SMG6: variants seen among roughly 807,000 people sequenced by gnomAD.
SMG6 encodes SMG6 nonsense mediated mRNA decay factor, also known as telomerase-binding protein EST1A.
SMG6 carries 66 observed loss-of-function variants against 142.2 expected under a neutral mutation model. The ratio of observed to expected loss-of-function variants is 0.46; its 90% CI spans 0.38 to 0.57. The LOEUF is 0.57. Among genes scored for constraint, SMG6 ranks in the 20% least tolerant of loss-of-function variants. The probability of loss-of-function intolerance (pLI) is 0.00; values close to 1 mark genes in which losing one functional copy is unlikely to be tolerated. For missense variants in SMG6, 1,793 were observed against 1,832.0 expected (o/e 0.98, Z 0.39); for synonymous variants, 779 against 702.4 (o/e 1.11, Z -1.72).
At chr17:2,258,038 T>TACACACACACACAC (rs869173398) in intron 8 of SMG6, among the ~76,000 whole-genome samples, 2 of 89,280 alleles carry the variant, frequency 2.2e-5, no homozygotes, top group African/African-American at 9.3e-5. Flanking sequence ...AAAAAAAATA[T>TACACACACACACAC]ACACACACAC....
chr17:2,170,506 G>C (rs968850432), intron 13 of SMG6, among the ~76,000 whole-genome samples: 4 of 152,250 alleles, frequency 2.6e-5, no homozygotes, highest in Non-Finnish European at 5.9e-5. Flanking sequence ...ATGTCATCCA[G>C]TCTCTCTTCT....
intron 9 of SMG6, chr17:2,237,450 G>C (rs2073694699): frequency 2.2e-6 from 2 of 909,288 alleles, no homozygotes; most frequent in Admixed American, 6.2e-5. Context: ...CACACTGACT[G>C]TTCCGCCTAA....
At chr17:2,090,080 G>C (rs1378714450) in intron 13 of SMG6, among the ~76,000 whole-genome samples, 1 of 151,612 alleles carries the variant, frequency 6.6e-6, no homozygotes, top group Non-Finnish European at 1.5e-5. Flanking sequence ...CTACTAGGGA[G>C]GCTGAGGCAG....
intron 10 of SMG6, among the ~76,000 whole-genome samples, chr17:2,214,604 C>T (rs1419983095): frequency 6.6e-6 from 1 of 152,186 alleles, no homozygotes; most frequent in Non-Finnish European, 1.5e-5. Context: ...CTGACACACT[C>T]ATTTATAATA....
At chr17:2,117,156 G>A (rs890982921) in intron 13 of SMG6, among the ~76,000 whole-genome samples, 1 of 150,240 alleles carries the variant, frequency 6.7e-6, no homozygotes, top group Non-Finnish European at 1.5e-5. Context: ...GTGCAGTAGC[G>A]TGAACATGGC....
chr17:2,127,909 G>C (rs1355374286), intron 13 of SMG6: 1 of 566,990 alleles, frequency 1.8e-6, no homozygotes, highest in East Asian at 4.7e-5. Flanking sequence ...GTCCACGTTG[G>C]CCTCCAGTAC....
intron 1 of SMG6, chr17:2,303,006 T>C (rs1290790742): frequency 4.1e-6 from 4 of 985,352 alleles, no homozygotes; most frequent in Non-Finnish European, 4.8e-6. Context: ...ACTTAGAATC[T>C]TTCTTACTTT....
At chr17:2,232,995 G>A (rs1049811916) in intron 10 of SMG6, 11 of 152,188 alleles carry the variant, frequency 7.2e-5, no homozygotes, top group Admixed American at 3.9e-4. Context: ...ACAGTAAAAC[G>A]TTAGCAACAA....
chr17:2,124,766 C>T (rs149577881), intron 13 of SMG6, among the ~76,000 whole-genome samples: 8 of 152,268 alleles, frequency 5.3e-5, no homozygotes, highest in African/African-American at 1.2e-4. Flanking sequence ...GGCAGAAAAA[C>T]GAATGGACAC....
intron 10 of SMG6, chr17:2,233,228 G>T (rs1289760561): frequency 6.6e-6 from 1 of 152,256 alleles, no homozygotes; most frequent in Non-Finnish European, 1.5e-5. Context: ...GATCTCAATG[G>T]CCTGGTGGGC....
chr17:2,126,715 CAAA>C (rs532997926), intron 13 of SMG6, among the ~76,000 whole-genome samples: 3 of 66,124 alleles, frequency 4.5e-5, no homozygotes, highest in Non-Finnish European at 3.2e-5. Context: ...GGCTCAGTTT[CAAA>C]AAAAAAAAAA....
At position 2,299,024 on chromosome 17, in the gene SMG6, G is replaced by A; in HGVS notation, c.1729C>T (p.Gln577Ter). Residue 577 changes from glutamine (Q) to a stop codon, truncating the protein, a stop_gained, in exon 2 of 19, where the codon CAG (glutamine) becomes TAG (stop). Coordinates refer to ENST00000263073, the MANE Select transcript of SMG6 (RefSeq NM_017575.5). LOFTEE classifies it high-confidence loss of function. This position sits in a 1 kb window ranked among gnomAD's most constrained non-coding sequence, Gnocchi z 4.3. Reference protein sequence around the residue: ...EEVEQHMRNLQQQELHRLLRV... With the variant: ...EEVEQHMRNL ...AGAAGCCTGTGCAGCTCCTGTTGCT[G>A]CAGGTTCCTCATGTGCTGCTCTACC... 6.2e-7 allele frequency: 1 copy of A among 1,614,176 alleles called. No individual in the cohort carries two copies. The highest frequency in any genetic ancestry group is 1.7e-5 in the Admixed American group (1 of 60,024).
chr17:2,280,797 T>C (rs952651047), intron 8 of SMG6, among the ~76,000 whole-genome samples: 33 of 152,182 alleles, frequency 2.2e-4, no homozygotes, highest in African/African-American at 7.2e-4. Flanking sequence ...AGAAATAAAA[T>C]GGGACAGACA....
intron 10 of SMG6, chr17:2,214,220 A>C (rs2072946102): frequency 6.6e-6 from 1 of 152,530 alleles, no homozygotes; most frequent in Non-Finnish European, 1.5e-5. Context: ...ACACAGGCCT[A>C]GGCTGCCCAC....
chr17:2,150,136 G>A (rs1432748916), intron 13 of SMG6, among the ~76,000 whole-genome samples: 12 of 152,182 alleles, frequency 7.9e-5, no homozygotes, highest in African/African-American at 4.8e-5. Flanking sequence ...CCTGAGCTCC[G>A]CCTCCTGTCA....
intron 10 of SMG6, among the ~76,000 whole-genome samples, chr17:2,218,758 G>A (rs956261331): frequency 2.0e-5 from 3 of 152,160 alleles, no homozygotes; most frequent in Admixed American, 6.5e-5. Context: ...TCAGAGTGAT[G>A]TATAAAAATA....
chr17:2,084,543 G>A (rs896211086), intron 14 of SMG6, among the ~76,000 whole-genome samples: 2 of 152,144 alleles, frequency 1.3e-5, no homozygotes, highest in African/African-American at 4.8e-5. Context: ...TGATCCAAAG[G>A]TGGCCACTCT....
chr17:2,096,389 A>C (rs541027146), intron 13 of SMG6, among the ~76,000 whole-genome samples: 1 of 152,212 alleles, frequency 6.6e-6, no homozygotes, highest in East Asian at 1.9e-4. Flanking sequence ...TCATATTTTT[A>C]ATAGAGATGT....
At chr17:2,274,068 A>T (rs1400439102) in intron 8 of SMG6, among the ~76,000 whole-genome samples, 1 of 152,234 alleles carries the variant, frequency 6.6e-6, no homozygotes, top group Non-Finnish European at 1.5e-5. Flanking sequence ...AATTCAATCC[A>T]CCATCTGTCT....
Sources: allele counts gnomAD v4.1 joint callset (sites outside exome capture counted in the v4.1 genomes callset), GRCh38; gene constraint gnomAD v4.1.1; non-coding constraint Gnocchi (gnomAD v3.1); transcripts MANE v1.5; gene names NCBI Gene and HGNC (gene_info 2026-07-23, HGNC 2026-07-21).